The following TAFA1 variants were observed in gnomAD, a reference collection of about 807,000 sequenced individuals.
TAFA1 encodes the protein TAFA chemokine like family member 1, also known as chemokine-like protein TAFA-1.
A neutral mutation model predicts 18.5 loss-of-function variants in TAFA1; 4 were observed. The ratio of observed to expected loss-of-function variants is 0.22; its 90% CI spans 0.11 to 0.49. The LOEUF is 0.49. Ranked by LOEUF, TAFA1 falls within the 20% of genes least tolerant of loss-of-function variation. TAFA1 has a pLI of 0.98. For missense variants in TAFA1, 147 were observed against 169.0 expected (o/e 0.87, Z 0.72); for synonymous variants, 56 against 55.2 (o/e 1.01, Z -0.06).
At chr3:68,414,455 G>A (rs1054141139) in intron 2 of TAFA1, among the ~76,000 whole-genome samples, 3 of 152,158 alleles carry the variant, frequency 2.0e-5, no homozygotes, top group Non-Finnish European at 4.4e-5. Context: ...AACCACTTGT[G>A]AAAAGATGCA....
chr3:68,118,897 G>A lies in TAFA1; in HGVS notation c.118+112153G>A, dbSNP rs190608501. Among the ~76,000 whole-genome samples, 841 of 152,094 alleles carry A rather than the reference G, an allele frequency of 5.5e-3. 12 individuals are homozygous for A. The highest frequency in any genetic ancestry group is 0.019 in the African/African-American group (792 of 41,458). ...TCTTTTTGGTATATACACAGAAATG[G>A]AATTGCCAAATCATATGGTAATTCT... On this transcript the variant is annotated intron_variant, in intron 2 of 4. Coordinates refer to ENST00000478136, the MANE Select transcript of TAFA1 (RefSeq NM_213609.4).
At chr3:68,080,284 C>T (rs2064879930) in intron 2 of TAFA1, among the ~76,000 whole-genome samples, 1 of 152,088 alleles carries the variant, frequency 6.6e-6, no homozygotes, top group African/African-American at 2.4e-5. Flanking sequence ...CAGTCTGTGT[C>T]TTTTAATTGG....
intron 2 of TAFA1, among the ~76,000 whole-genome samples, chr3:68,055,910 A>G (rs1017211942): frequency 2.0e-5 from 3 of 152,092 alleles, no homozygotes; most frequent in African/African-American, 7.2e-5. Flanking sequence ...CCTGCAGAAG[A>G]TGAGAGTCTC....
intron 2 of TAFA1, among the ~76,000 whole-genome samples, chr3:68,238,411 C>T (rs1247468136): frequency 2.0e-5 from 3 of 152,164 alleles, no homozygotes; most frequent in Admixed American, 6.5e-5. Context: ...TCTGAAGAAT[C>T]GGCAATGTGA....
chr3:68,333,125 C>T (rs1033445146), intron 2 of TAFA1, among the ~76,000 whole-genome samples: 61 of 152,106 alleles, frequency 4.0e-4, no homozygotes, highest in African/African-American at 1.4e-3. Flanking sequence ...ACAGAATTAT[C>T]GTTAGACTCA....
chr3:68,299,594 G>A (rs2068269303), intron 2 of TAFA1, among the ~76,000 whole-genome samples: 2 of 152,208 alleles, frequency 1.3e-5, no homozygotes, highest in South Asian at 4.1e-4. Context: ...AAGTAACCAG[G>A]AGCCAAATGT....
intron 2 of TAFA1, among the ~76,000 whole-genome samples, chr3:68,278,137 G>A: frequency 6.6e-6 from 1 of 152,012 alleles, no homozygotes; most frequent in Non-Finnish European, 1.5e-5. Context: ...CTTTCAAAAA[G>A]GCTGTAATTA....
intron 2 of TAFA1, among the ~76,000 whole-genome samples, chr3:68,068,973 C>T (rs1024391986): frequency 2.6e-5 from 4 of 152,108 alleles, no homozygotes; most frequent in African/African-American, 7.2e-5. Flanking sequence ...GTGCTCTGCC[C>T]TTTGAGAGTT....
intron 2 of TAFA1, among the ~76,000 whole-genome samples, chr3:68,043,951 C>T (rs11926885): frequency 0.066 from 10,092 of 152,158 alleles, 465 homozygotes; most frequent in South Asian, 0.17. Context: ...AAATTCATTT[C>T]TGTTTTCTGA....
intron 2 of TAFA1, among the ~76,000 whole-genome samples, chr3:68,345,103 T>C (rs370249081): frequency 5.9e-4 from 90 of 151,804 alleles, no homozygotes; most frequent in Admixed American, 1.8e-3. Context: ...TGGCATCATA[T>C]GGAGTGTAAC....
intron 2 of TAFA1, among the ~76,000 whole-genome samples, chr3:68,293,112 T>C (rs753943315): frequency 1.2e-4 from 19 of 152,220 alleles, no homozygotes; most frequent in Non-Finnish European, 2.5e-4. Context: ...CTGGGAGATT[T>C]ACCTCTGTAA....
intron 2 of TAFA1, among the ~76,000 whole-genome samples, chr3:68,107,403 G>T (rs2106829333): frequency 6.6e-6 from 1 of 152,218 alleles, no homozygotes; most frequent in Admixed American, 6.5e-5. Context: ...ATTAACTGGT[G>T]AATGGATAAA....
chr3:68,388,555 A>G (rs889217919), intron 2 of TAFA1, among the ~76,000 whole-genome samples: 4 of 150,086 alleles, frequency 2.7e-5, no homozygotes, highest in African/African-American at 7.6e-5. Context: ...TTTGCCACCT[A>G]TGACGTTTTT....
At chr3:68,147,718 C>T (rs879596620) in intron 2 of TAFA1, among the ~76,000 whole-genome samples, 25 of 152,104 alleles carry the variant, frequency 1.6e-4, no homozygotes, top group African/African-American at 5.1e-4. Context: ...CTCTATTGAA[C>T]GTGAATTCCA....
At chr3:68,135,732 G>T (rs2106891196) in intron 2 of TAFA1, among the ~76,000 whole-genome samples, 1 of 152,288 alleles carries the variant, frequency 6.6e-6, no homozygotes, top group South Asian at 2.1e-4. Context: ...TTTCCGAATA[G>T]CAGTTTATTT....
chr3:68,506,508 A>G (rs1308350124), intron 3 of TAFA1, among the ~76,000 whole-genome samples: 1 of 150,226 alleles, frequency 6.7e-6, no homozygotes, highest in African/African-American at 2.4e-5. Flanking sequence ...ATGCTTTATC[A>G]GTTTACAATC....
chr3:68,060,607 C>A (rs1440486376), intron 2 of TAFA1, among the ~76,000 whole-genome samples: 1 of 152,134 alleles, frequency 6.6e-6, no homozygotes, highest in African/African-American at 2.4e-5. Flanking sequence ...TTACAGTAAG[C>A]TTCTTGTTTG....
chr3:68,190,865 CA>C (rs1174490076), intron 2 of TAFA1, among the ~76,000 whole-genome samples: 4 of 151,868 alleles, frequency 2.6e-5, no homozygotes, highest in African/African-American at 9.6e-5. Context: ...TGTGAACTTC[CA>C]ATGAGACTAG....
At chr3:68,238,505 A>G (rs2107131180) in intron 2 of TAFA1, among the ~76,000 whole-genome samples, 1 of 152,330 alleles carries the variant, frequency 6.6e-6, no homozygotes, top group Admixed American at 6.5e-5. Context: ...TTTTCCATGC[A>G]TAGTACATTA....
Sources: allele counts gnomAD v4.1 joint callset (sites outside exome capture counted in the v4.1 genomes callset), GRCh38; gene constraint gnomAD v4.1.1; transcripts MANE v1.5; gene names NCBI Gene and HGNC (gene_info 2026-07-23, HGNC 2026-07-21).